PIEZO2: variants seen among roughly 807,000 people sequenced by gnomAD.
The protein encoded by PIEZO2 is piezo type mechanosensitive ion channel component 2.
A neutral mutation model predicts 337.3 loss-of-function variants in PIEZO2; 172 were observed. The ratio of observed to expected loss-of-function variants is 0.51; its 90% CI spans 0.45 to 0.58. The LOEUF is 0.58. Ranked by LOEUF, PIEZO2 falls within the 20% of genes least tolerant of loss-of-function variation. The probability of loss-of-function intolerance (pLI) is 0.00; values close to 1 mark genes in which losing one functional copy is unlikely to be tolerated. For synonymous variants in PIEZO2, 1,251 were observed against 1,228.5 expected (o/e 1.02, Z -0.38); for missense variants, 3,028 against 3,391.3 (o/e 0.89, Z 2.66).
rs2032692876 is a variant in PIEZO2, at chr18:10,940,944, T to C, written c.287-29716A>G. On this transcript the variant is annotated intron_variant, in intron 3 of 55. Transcript: ENST00000674853. The surrounding 1 kb of genome is among the most constrained non-coding windows in gnomAD (Gnocchi z 5.3). ...AGGTTATAGAGAAAATATATATGGC[T>C]CTGCATTTCTTCTAAATAACAAGGA... 2.0e-5 allele frequency among the ~76,000 whole-genome samples: 3 copies of C among 152,188 alleles called. No homozygotes were observed. The highest frequency in any genetic ancestry group is 2.9e-5 in the Non-Finnish European group (2 of 68,040).
At chr18:11,030,218 T>G (rs957079614) in intron 2 of PIEZO2, among the ~76,000 whole-genome samples, 2 of 152,338 alleles carry the variant, frequency 1.3e-5, no homozygotes, top group East Asian at 1.9e-4. Context: ...CACTCGCTAC[T>G]TATGGTCACA....
At chr18:10,763,240 G>T in intron 21 of PIEZO2, 142 bp from the exon 22 acceptor site, 1 of 847,172 alleles carries the variant, frequency 1.2e-6, no homozygotes, top group Non-Finnish European at 1.8e-6. Flanking sequence ...ATTGCCCTAG[G>T]TGCTGGGGTA....
intron 18 of PIEZO2, among the ~76,000 whole-genome samples, chr18:10,778,660 A>T (rs1192058160): frequency 6.6e-6 from 1 of 152,152 alleles, no homozygotes; most frequent in Non-Finnish European, 1.5e-5. Context: ...GTTTATATTC[A>T]CACAAAAATA....
chr18:11,086,001 G>C (rs925544475), intron 1 of PIEZO2, among the ~76,000 whole-genome samples: 1 of 152,150 alleles, frequency 6.6e-6, no homozygotes, highest in African/African-American at 2.4e-5. Context: ...CCAGCATCGA[G>C]TACAATATCC....
rs1193671201 is a variant in PIEZO2, at chr18:10,718,238, C to T, written c.5051G>A (p.Arg1684Gln). ...TTTCTTTTTGATTGGTTCATCCTCCCGGTCTTCCCATTCCACAGGACCTGC... is the reference window on the plus strand; with the variant it reads ...TTTCTTTTTGATTGGTTCATCCTCCTGGTCTTCCCATTCCACAGGACCTGC... ...SKEGPVEWED[R>Q]EDEPIKKKSD... Residue 1684 changes from arginine to glutamine, a missense_variant, in exon 37 of 56, where the codon CGG becomes CAG. Coordinates refer to ENST00000674853, the MANE Select transcript of PIEZO2 (RefSeq NM_001378183.1). 54 of 1,536,846 alleles carry T rather than the reference C, an allele frequency of 3.5e-5. No homozygotes were observed. Among genetic ancestry groups the T allele is most frequent in the South Asian group, 7.1e-5 (6 of 84,064 alleles).
intron 2 of PIEZO2, among the ~76,000 whole-genome samples, chr18:10,986,728 G>A (rs1420302741): frequency 1.3e-5 from 2 of 151,748 alleles, no homozygotes; most frequent in Non-Finnish European, 2.9e-5. Context: ...GAACAGTTAT[G>A]GTAGAGAAAG....
intron 4 of PIEZO2, among the ~76,000 whole-genome samples, chr18:10,889,546 T>C (rs1442334911): frequency 6.6e-6 from 1 of 152,242 alleles, no homozygotes; most frequent in African/African-American, 2.4e-5. Flanking sequence ...CATTTTACAG[T>C]AACCTCATAG....
At chr18:11,086,673 A>G (rs2038926202) in intron 1 of PIEZO2, among the ~76,000 whole-genome samples, 1 of 152,228 alleles carries the variant, frequency 6.6e-6, no homozygotes. Context: ...TAGATATGAA[A>G]AACACTACTA....
intron 3 of PIEZO2, among the ~76,000 whole-genome samples, chr18:10,941,056 T>C (rs1480393836): frequency 6.6e-6 from 1 of 152,174 alleles, no homozygotes; most frequent in Non-Finnish European, 1.5e-5. Flanking sequence ...TTTGAAAATA[T>C]CAATTGTCTC....
intron 13 of PIEZO2, among the ~76,000 whole-genome samples, chr18:10,793,585 A>G (rs1279646988): frequency 6.6e-6 from 1 of 152,192 alleles, no homozygotes; most frequent in Non-Finnish European, 1.5e-5. Context: ...AAAGAAAATA[A>G]TTTTGATTTT....
chr18:10,916,146 T>C (rs1233976769), intron 3 of PIEZO2, among the ~76,000 whole-genome samples: 1 of 152,136 alleles, frequency 6.6e-6, no homozygotes, highest in African/African-American at 2.4e-5. Flanking sequence ...AGCTAGACAC[T>C]GTGCTGATTG....
At chr18:10,937,032 A>G (rs1485384379) in intron 3 of PIEZO2, among the ~76,000 whole-genome samples, 2 of 152,202 alleles carry the variant, frequency 1.3e-5, no homozygotes, top group Non-Finnish European at 2.9e-5. Context: ...TTCTTCCACA[A>G]TGACGACTCC....
chr18:10,777,049 A>C (rs557185697), intron 18 of PIEZO2, among the ~76,000 whole-genome samples: 1 of 152,194 alleles, frequency 6.6e-6, no homozygotes, highest in Non-Finnish European at 1.5e-5. Flanking sequence ...GGGACTCCAA[A>C]TAATACGCAT....
At chr18:10,687,287 C>T (rs1256939793) in intron 49 of PIEZO2, among the ~76,000 whole-genome samples, 1 of 118,130 alleles carries the variant, frequency 8.5e-6, no homozygotes, top group Non-Finnish European at 1.9e-5. Flanking sequence ...CCTCCTCACT[C>T]CCCGCAACCC....
At chr18:11,147,181 T>C (rs993876417) in intron 1 of PIEZO2, among the ~76,000 whole-genome samples, 1 of 152,144 alleles carries the variant, frequency 6.6e-6, no homozygotes, top group African/African-American at 2.4e-5. Context: ...CTGTGGAAGC[T>C]TAGCTCTTCA....
chr18:11,023,279 C>T (rs1297361697), intron 2 of PIEZO2, among the ~76,000 whole-genome samples: 2 of 152,098 alleles, frequency 1.3e-5, no homozygotes, highest in Non-Finnish European at 2.9e-5. Context: ...GCCGAGTGGT[C>T]TGTTTTGACA....
At chr18:10,925,856 C>G (rs1236933880) in intron 3 of PIEZO2, among the ~76,000 whole-genome samples, 1 of 151,850 alleles carries the variant, frequency 6.6e-6, no homozygotes, top group African/African-American at 2.4e-5. Context: ...GCATGAGTCA[C>G]CGCGCCTGGC....
chr18:10,742,559 A>G lies in PIEZO2; in HGVS notation c.4571T>C (p.Leu1524Pro). 3 of 1,537,226 alleles carry G rather than the reference A, an allele frequency of 2.0e-6. No homozygotes were observed. In the South Asian group the frequency reaches 3.6e-5, roughly 18 times the overall value. ...QKYKKGKERM[L>P]SLTQEPGEGQ... is the part of the protein sequence containing the mutation. ...TTCCCCTGGCTCCTGGGTCAAGCTC[A>G]GCATCCTCTCCTTACCCTTTTTATA... The change falls in exon 32 of 56, where the codon CTG (leucine) becomes CCG (proline). Residue 1524 changes from leucine to proline, a missense_variant. Physicochemically the swap from Leu to Pro is moderately conservative, Grantham distance 98 (BLOSUM62 -3). This residue lies in a region of PIEZO2 where 1,925 missense variants were observed against 2,051.9 expected (regional missense o/e 0.94). Transcript: ENST00000674853.
chr18:10,917,939 G>A (rs1755824898), intron 3 of PIEZO2, among the ~76,000 whole-genome samples: 1 of 152,068 alleles, frequency 6.6e-6, no homozygotes, highest in Non-Finnish European at 1.5e-5. Flanking sequence ...TCTAATCAAA[G>A]GAGCCAAGAT....
Sources: gnomAD v4.1 joint callset for allele counts (sites outside exome capture counted in the v4.1 genomes callset) on GRCh38, gnomAD v4.1.1 for gene constraint, gnomAD v4.1.1 regional missense constraint, Gnocchi (gnomAD v3.1) non-coding constraint, MANE v1.5 for transcripts, NCBI Gene and HGNC (gene_info 2026-07-23, HGNC 2026-07-21) for gene names.